The following LRP1B variants were observed in gnomAD, a reference collection of about 807,000 sequenced individuals.
LRP1B encodes LDL receptor related protein 1B.
In LRP1B, 217 loss-of-function variants were observed where a neutral mutation model predicts 556.6. The ratio of observed to expected loss-of-function variants is 0.39; its 90% CI spans 0.35 to 0.44. LRP1B has a LOEUF of 0.44. LRP1B is among the 20% of genes least tolerant of loss of function. The probability of loss-of-function intolerance (pLI) is 1.00; values close to 1 mark genes in which losing one functional copy is unlikely to be tolerated. For missense variants in LRP1B, 5,053 were observed against 5,620.8 expected (o/e 0.90, Z 3.23); for synonymous variants, 2,047 against 1,865.8 (o/e 1.10, Z -2.50).
At chr2:140,685,736 T>TA (rs1472187790) in intron 41 of LRP1B, among the ~76,000 whole-genome samples, 2 of 152,194 alleles carry the variant, frequency 1.3e-5, no homozygotes, top group Non-Finnish European at 2.9e-5. Flanking sequence ...GAATTCATAA[T>TA]AAAATCACTT....
chr2:141,237,192 A>G (rs2105309098), intron 5 of LRP1B, among the ~76,000 whole-genome samples: 1 of 152,236 alleles, frequency 6.6e-6, no homozygotes, highest in South Asian at 2.1e-4. Flanking sequence ...GATTATTTGG[A>G]AATTGTAGAT....
chr2:141,522,210 C>G (rs1037401441), intron 2 of LRP1B, among the ~76,000 whole-genome samples: 1 of 152,140 alleles, frequency 6.6e-6, no homozygotes, highest in Admixed American at 6.6e-5. Flanking sequence ...TCTGTTTTAA[C>G]ATGACCTCTT....
intron 41 of LRP1B, among the ~76,000 whole-genome samples, chr2:140,626,095 C>T (rs768847464): frequency 9.2e-5 from 14 of 152,072 alleles, no homozygotes; most frequent in Non-Finnish European, 1.5e-4. Flanking sequence ...AACTTAAATG[C>T]ATATTACTAA....
At chr2:142,017,727 G>A (rs1382279315) in intron 1 of LRP1B, among the ~76,000 whole-genome samples, 1 of 152,000 alleles carries the variant, frequency 6.6e-6, no homozygotes, top group African/African-American at 2.4e-5. Context: ...CTCTATAAAA[G>A]TTTTAAAAAC....
intron 2 of LRP1B, among the ~76,000 whole-genome samples, chr2:141,534,651 C>T (rs748241369): frequency 6.6e-6 from 1 of 152,156 alleles, no homozygotes; most frequent in Non-Finnish European, 1.5e-5. Flanking sequence ...CTCATTTGTA[C>T]TTGCTGCCTA....
At chr2:140,517,436 T>C (rs1689956475) in intron 49 of LRP1B, among the ~76,000 whole-genome samples, 1 of 152,070 alleles carries the variant, frequency 6.6e-6, no homozygotes, top group African/African-American at 2.4e-5. Context: ...ATTAATACAT[T>C]GGTGTATCTT....
At chr2:141,930,070 A>G (rs1030919515) in intron 1 of LRP1B, among the ~76,000 whole-genome samples, 5 of 151,918 alleles carry the variant, frequency 3.3e-5, no homozygotes, top group Admixed American at 2.0e-4. Flanking sequence ...CAATTGCCCA[A>G]AAGAGCTTTT....
intron 6 of LRP1B, among the ~76,000 whole-genome samples, chr2:141,205,543 T>G (rs984708357): frequency 6.6e-6 from 1 of 152,200 alleles, no homozygotes; most frequent in Non-Finnish European, 1.5e-5. Flanking sequence ...TCACAAATTA[T>G]GTAAGTACAT....
chr2:140,836,520 T>C (rs924324928), intron 31 of LRP1B, among the ~76,000 whole-genome samples: 15 of 152,216 alleles, frequency 9.9e-5, no homozygotes, highest in African/African-American at 3.4e-4. Flanking sequence ...TTGAACAATT[T>C]AATTCACTTA....
chr2:141,540,439 T>G (rs1409996392), intron 2 of LRP1B, among the ~76,000 whole-genome samples: 1 of 152,054 alleles, frequency 6.6e-6, no homozygotes, highest in Admixed American at 6.6e-5. Context: ...TAAAGAGTAA[T>G]TCATATATGT....
At chr2:141,557,863 A>T (rs921428068) in intron 2 of LRP1B, among the ~76,000 whole-genome samples, 22 of 151,908 alleles carry the variant, frequency 1.4e-4, no homozygotes, top group African/African-American at 5.1e-4. Context: ...ACATGTGGGT[A>T]CCATAACCAA....
rs145553499 is a variant in LRP1B, at chr2:141,546,981, A to G, written c.206-66448T>C. ...TACTTAGTATTGCTCATTGATGTCC[A>G]AAGTTCCAGCATCCCTTTTCCTAAT... On this transcript the variant is annotated intron_variant, in intron 2 of 90. Transcript: ENST00000389484. 4.7e-4 allele frequency among the ~76,000 whole-genome samples: 72 copies of G among 152,270 alleles called. No homozygotes were observed. The East Asian group carries it at 8.1e-3, about 17-fold the overall frequency.
chr2:141,201,610 T>A (rs1028213861), intron 6 of LRP1B, among the ~76,000 whole-genome samples: 1 of 152,154 alleles, frequency 6.6e-6, no homozygotes, highest in Admixed American at 6.5e-5. Flanking sequence ...ATATAATTAT[T>A]ACATATGTTT....
Position 140,553,422 on chromosome 2 carries a change from A to AACACACACAC in LRP1B, c.7195-11461_7195-11452dup, listed in dbSNP as rs61540618. Among the ~76,000 whole-genome samples the AACACACACAC allele has an allele frequency of 3.5e-3, 523 of 148,300 alleles. 2 individuals carry two copies. Among genetic ancestry groups the AACACACACAC allele is most frequent in the African/African-American group, 7.2e-3 (292 of 40,424 alleles). On this transcript the variant is annotated intron_variant, in intron 43 of 90. Transcript: ENST00000389484. Reference sequence around the variant, plus strand: ...CCTTTATTGTGTCTATTGTGCTCTTAACACACACACACACACACACACACA... The same window carrying AACACACACAC: ...CCTTTATTGTGTCTATTGTGCTCTTAACACACACACACACACACACACACACACACACACA...
chr2:140,473,895 A>G (rs1293565887), intron 60 of LRP1B, among the ~76,000 whole-genome samples: 1 of 151,840 alleles, frequency 6.6e-6, no homozygotes, highest in Non-Finnish European at 1.5e-5. Context: ...TCTTTGGGGG[A>G]GATATAACTT....
Position 140,769,354 on chromosome 2 carries a change from G to A in LRP1B, c.5627-10C>T, listed in dbSNP as rs2104935088. 6.3e-7 allele frequency: 1 copy of A among 1,591,518 alleles called. No homozygotes were observed. Among genetic ancestry groups the A allele is most frequent in the African/African-American group, 1.3e-5 (1 of 74,132 alleles). ...AGAAATGATTCTATACCTAAATGCA[G>A]GGCCGGAGATAAGGGGGGGAAGGGA... is the stretch of plus-strand genomic sequence containing the variant. On this transcript the variant is annotated splice_polypyrimidine_tract_variant and intron_variant, in intron 34 of 90. Transcript: ENST00000389484.
intron 3 of LRP1B, among the ~76,000 whole-genome samples, chr2:141,398,341 T>A (rs1166066618): frequency 6.6e-6 from 1 of 152,094 alleles, no homozygotes; most frequent in Non-Finnish European, 1.5e-5. Flanking sequence ...GACCAAAAAA[T>A]ATTTAAAGTA....
At chr2:140,517,166 A>C (rs1689942138) in intron 49 of LRP1B, among the ~76,000 whole-genome samples, 155 bp from the exon 50 acceptor site, 1 of 152,210 alleles carries the variant, frequency 6.6e-6, no homozygotes, top group Non-Finnish European at 1.5e-5. Flanking sequence ...GGTTATGAAA[A>C]TAAAGGAAAG....
intron 1 of LRP1B, among the ~76,000 whole-genome samples, chr2:142,051,978 A>G (rs184923954): frequency 1.5e-4 from 23 of 152,306 alleles, no homozygotes; most frequent in Non-Finnish European, 2.9e-5. Flanking sequence ...CAATTGTGAT[A>G]AACTTCTCAT....
Sources: allele counts gnomAD v4.1 joint callset (sites outside exome capture counted in the v4.1 genomes callset), GRCh38; gene constraint gnomAD v4.1.1; transcripts MANE v1.5; gene names NCBI Gene and HGNC (gene_info 2026-07-23, HGNC 2026-07-21).